The following KLHL2 variants were observed in gnomAD, a reference collection of about 807,000 sequenced individuals.
KLHL2 encodes the protein kelch like family member 2, also known as kelch-like protein 2.
Under a neutral mutation model 75.8 loss-of-function variants are expected in KLHL2, and 15 were observed. The ratio of observed to expected loss-of-function variants is 0.20; its 90% CI spans 0.13 to 0.30. The LOEUF is 0.30. Among genes scored for constraint, KLHL2 ranks in the 10% least tolerant of loss-of-function variants. KLHL2 has a pLI of 1.00. For synonymous variants in KLHL2, 214 were observed against 251.9 expected (o/e 0.85, Z 1.42); for missense variants, 381 against 741.0 (o/e 0.51, Z 5.64).
chr4:165,289,509 G>GTTTTTCTTTT (rs1744342062), intron 5 of KLHL2, among the ~76,000 whole-genome samples: 1 of 112,974 alleles, frequency 8.9e-6, no homozygotes, highest in Admixed American at 8.9e-5. Context: ...TTTTGGTTTG[G>GTTTTTCTTTT]TTTTTTTTTT....
chr4:165,295,563 A>G (rs1263114164), intron 6 of KLHL2, among the ~76,000 whole-genome samples: 1 of 152,202 alleles, frequency 6.6e-6, no homozygotes, highest in Non-Finnish European at 1.5e-5. Flanking sequence ...AATTGATTAC[A>G]GAATGCTGTA....
intron 3 of KLHL2, among the ~76,000 whole-genome samples, chr4:165,238,262 G>T (rs183537028): frequency 5.7e-4 from 87 of 152,248 alleles, no homozygotes; most frequent in African/African-American, 1.9e-3. Context: ...GTTGTCTCTG[G>T]CATGAGGGTT....
chr4:165,257,358 G>C (rs1228630928), intron 4 of KLHL2, among the ~76,000 whole-genome samples: 1 of 152,184 alleles, frequency 6.6e-6, no homozygotes, highest in Non-Finnish European at 1.5e-5. Flanking sequence ...GAATACCAGG[G>C]GGAAGTATTT....
At chr4:165,293,416 G>A (rs763907545) in intron 5 of KLHL2, among the ~76,000 whole-genome samples, 9 of 151,882 alleles carry the variant, frequency 5.9e-5, no homozygotes, top group Non-Finnish European at 1.2e-4. Context: ...ATGGGTTGAG[G>A]CATAAAATCC....
At chr4:165,245,163 G>A (rs759439080) in intron 4 of KLHL2, among the ~76,000 whole-genome samples, 9 of 152,054 alleles carry the variant, frequency 5.9e-5, no homozygotes, top group East Asian at 5.8e-4. Flanking sequence ...AACGAAGATC[G>A]CACCACTGCA....
chr4:165,264,605 T>TATATATATATATATATATATAC (rs757273597), intron 5 of KLHL2, among the ~76,000 whole-genome samples: 46 of 124,106 alleles, frequency 3.7e-4, no homozygotes, highest in African/African-American at 5.9e-4. Flanking sequence ...TATATATATA[T>TATATATATATATATATATATAC]ACACACACAC....
chr4:165,285,923 G>A (rs1019027061), intron 5 of KLHL2, among the ~76,000 whole-genome samples: 33 of 152,302 alleles, frequency 2.2e-4, no homozygotes, highest in African/African-American at 7.5e-4. Flanking sequence ...GGTTTGAAAC[G>A]TAGGTATATC....
At chr4:165,307,104 T>C (rs980376579) in intron 9 of KLHL2, among the ~76,000 whole-genome samples, 4 of 152,190 alleles carry the variant, frequency 2.6e-5, no homozygotes, top group African/African-American at 9.6e-5. Flanking sequence ...GGTCAGAAGC[T>C]TGAGACCAGC....
intron 6 of KLHL2, 63 bp downstream of exon 6, chr4:165,294,531 CTT>C: frequency 1.2e-6 from 1 of 842,152 alleles, no homozygotes; most frequent in African/African-American, 1.8e-5. Flanking sequence ...TTTAATTTCA[CTT>C]TTTTTTATAG....
intron 8 of KLHL2, among the ~76,000 whole-genome samples, chr4:165,304,911 G>A (rs981332851): frequency 1.3e-5 from 2 of 152,152 alleles, no homozygotes; most frequent in Non-Finnish European, 2.9e-5. Context: ...TAGACCGTAG[G>A]CATTTAGTAA....
At chr4:165,286,126 C>T (rs1441778461) in intron 5 of KLHL2, among the ~76,000 whole-genome samples, 3 of 152,112 alleles carry the variant, frequency 2.0e-5, no homozygotes, top group African/African-American at 7.2e-5. Flanking sequence ...TGAAGCATAG[C>T]ATCAGTGGAA....
At chr4:165,217,959 T>C (rs368884811) in intron 1 of KLHL2, among the ~76,000 whole-genome samples, 4 of 152,296 alleles carry the variant, frequency 2.6e-5, no homozygotes, top group East Asian at 1.9e-4. Context: ...TCCTTTCTCT[T>C]GTTCAGGCCA....
intron 14 of KLHL2, among the ~76,000 whole-genome samples, chr4:165,318,473 GTTAT>G (rs901368043): frequency 3.3e-5 from 5 of 152,042 alleles, no homozygotes; most frequent in East Asian, 1.9e-4. Flanking sequence ...GAGTCTTTAT[GTTAT>G]TTATTTCAAT....
intron 4 of KLHL2, among the ~76,000 whole-genome samples, chr4:165,251,358 T>C (rs1427417120): frequency 2.0e-5 from 3 of 152,066 alleles, no homozygotes; most frequent in South Asian, 2.1e-4. Context: ...GTTAATTGTA[T>C]TTTATTATAT....
chr4:165,299,258 T>C (rs1249005557), intron 7 of KLHL2, among the ~76,000 whole-genome samples: 3 of 152,216 alleles, frequency 2.0e-5, no homozygotes, highest in Admixed American at 6.5e-5. Flanking sequence ...CATTGAAGTT[T>C]ATCATTTTTC....
intron 1 of KLHL2, among the ~76,000 whole-genome samples, chr4:165,211,025 A>G (rs1317422867): frequency 1.3e-5 from 2 of 152,152 alleles, no homozygotes; most frequent in Non-Finnish European, 2.9e-5. Context: ...ATGGTTCCAC[A>G]TTACTAGAGA....
intron 9 of KLHL2, among the ~76,000 whole-genome samples, chr4:165,309,687 T>C (rs777153225): frequency 9.2e-5 from 14 of 152,208 alleles, no homozygotes; most frequent in Non-Finnish European, 1.8e-4. Context: ...CATGAAATAT[T>C]ATTCCTCTTT....
intron 3 of KLHL2, among the ~76,000 whole-genome samples, chr4:165,232,343 C>T (rs1378699537): frequency 2.0e-5 from 3 of 150,832 alleles, no homozygotes; most frequent in East Asian, 2.0e-4. Context: ...AGGAGAATGG[C>T]GTGAACCCAG....
At chr4:165,318,850 G>A (rs1746768091) in intron 14 of KLHL2, among the ~76,000 whole-genome samples, 1 of 151,944 alleles carries the variant, frequency 6.6e-6, no homozygotes, top group South Asian at 2.1e-4. Flanking sequence ...GCATAACCTA[G>A]AAATATTGAA....
Sources: allele counts gnomAD v4.1 joint callset (sites outside exome capture counted in the v4.1 genomes callset), GRCh38; gene constraint gnomAD v4.1.1; transcripts MANE v1.5; gene names NCBI Gene and HGNC (gene_info 2026-07-23, HGNC 2026-07-21).